NELL1: variants seen among roughly 807,000 people sequenced by gnomAD.
The protein encoded by NELL1 is protein kinase C-binding protein NELL1.
In NELL1, 76 loss-of-function variants were observed where a neutral mutation model predicts 107.4. The ratio of observed to expected loss-of-function variants is 0.71; its 90% CI spans 0.59 to 0.86. NELL1 has a LOEUF of 0.86. NELL1 is among the 40% of genes least tolerant of loss of function. The pLI is 0.00. For synonymous variants in NELL1, 353 were observed against 341.2 expected (o/e 1.03, Z -0.38); for missense variants, 1,024 against 1,005.5 (o/e 1.02, Z -0.25).
At chr11:20,726,363 T>A (rs1278255988) in intron 2 of NELL1, among the ~76,000 whole-genome samples, 1 of 152,160 alleles carries the variant, frequency 6.6e-6, no homozygotes, top group African/African-American at 2.4e-5. Flanking sequence ...ACTTGCTGGG[T>A]TTATGCAAAG....
At chr11:20,933,725 G>C (rs577396996) in intron 9 of NELL1, among the ~76,000 whole-genome samples, 1 of 152,300 alleles carries the variant, frequency 6.6e-6, no homozygotes, top group East Asian at 1.9e-4. Context: ...ATCTGACAGG[G>C]ATGTCAAGCT....
At chr11:20,785,860 G>T (rs1320544841) in intron 3 of NELL1, among the ~76,000 whole-genome samples, 1 of 151,350 alleles carries the variant, frequency 6.6e-6, no homozygotes, top group Non-Finnish European at 1.5e-5. Flanking sequence ...TTTTGAAACT[G>T]TATTTGCAGG....
At chr11:21,051,561 AAATAAT>A (rs201910454) in intron 12 of NELL1, among the ~76,000 whole-genome samples, 3 of 152,194 alleles carry the variant, frequency 2.0e-5, no homozygotes, top group Middle Eastern at 6.8e-3. Context: ...AAACTGAGAA[AAATAAT>A]AATAATAATA....
intron 12 of NELL1, among the ~76,000 whole-genome samples, chr11:21,111,327 G>A (rs188937311): frequency 6.6e-6 from 1 of 152,246 alleles, no homozygotes; most frequent in African/African-American, 2.4e-5. Flanking sequence ...ACTAAATGAT[G>A]CTTTCCATTT....
chr11:20,793,642 T>C lies in NELL1; in HGVS notation c.335+9812T>C, dbSNP rs563248888. 1.6e-3 allele frequency among the ~76,000 whole-genome samples: 242 copies of C among 152,296 alleles called. 1 individual carries two copies. Among genetic ancestry groups the C allele is most frequent in the Middle Eastern group, 0.01 (3 of 294 alleles). On this transcript the variant is annotated intron_variant, in intron 3 of 19. Transcript: ENST00000357134. ...GTTTCCTTGTGAATATTGCTTTGAA[T>C]ACAGCCCACTGATATTGCTATATAG... is the stretch of plus-strand genomic sequence containing the variant.
At chr11:20,840,974 G>A (rs1848611131) in intron 3 of NELL1, among the ~76,000 whole-genome samples, 1 of 152,166 alleles carries the variant, frequency 6.6e-6, no homozygotes, top group South Asian at 2.1e-4. Context: ...GCAATAACTT[G>A]TGCCCATTGT....
chr11:20,776,131 C>T (rs1206260247), intron 2 of NELL1, among the ~76,000 whole-genome samples: 1 of 152,116 alleles, frequency 6.6e-6, no homozygotes, highest in Non-Finnish European at 1.5e-5. Context: ...AACTTACAGT[C>T]CAGTGGGGAA....
At chr11:21,218,531 A>G (rs1357763453) in intron 13 of NELL1, among the ~76,000 whole-genome samples, 1 of 152,170 alleles carries the variant, frequency 6.6e-6, no homozygotes, top group African/African-American at 2.4e-5. Flanking sequence ...AAAAATATGC[A>G]ATAAGTTACC....
At chr11:20,674,090 A>G (rs1853987874) in intron 1 of NELL1, among the ~76,000 whole-genome samples, 1 of 152,220 alleles carries the variant, frequency 6.6e-6, no homozygotes. Context: ...TTTTCATAAT[A>G]AAAGCAATAC....
intron 12 of NELL1, among the ~76,000 whole-genome samples, chr11:21,068,012 AAC>A (rs1266051499): frequency 7.4e-6 from 1 of 134,398 alleles, no homozygotes; most frequent in Non-Finnish European, 1.6e-5. Flanking sequence ...CAGCCTGGGC[AAC>A]AGAGTGAGAT....
At chr11:20,975,966 AT>A (rs1454590811) in intron 12 of NELL1, among the ~76,000 whole-genome samples, 1 of 101,042 alleles carries the variant, frequency 9.9e-6, no homozygotes, top group African/African-American at 4.3e-5. Flanking sequence ...TTATATATAC[AT>A]TATATATATT....
chr11:20,716,052 A>T (rs943442885), intron 2 of NELL1, among the ~76,000 whole-genome samples: 1 of 152,258 alleles, frequency 6.6e-6, no homozygotes, highest in African/African-American at 2.4e-5. Context: ...CGATATGCAA[A>T]TATTTTACTT....
chr11:20,828,354 T>C (rs146428586), intron 3 of NELL1, among the ~76,000 whole-genome samples: 2 of 140,836 alleles, frequency 1.4e-5, no homozygotes, highest in East Asian at 3.9e-4. Flanking sequence ...TCTTGGAATA[T>C]CTATTAAAAT....
intron 15 of NELL1, among the ~76,000 whole-genome samples, chr11:21,466,034 G>A (rs1854021677): frequency 6.6e-6 from 1 of 152,062 alleles, no homozygotes; most frequent in Non-Finnish European, 1.5e-5. Context: ...TTAGAATCCT[G>A]AAACATAGCC....
At chr11:21,464,074 T>C (rs998815527) in intron 15 of NELL1, among the ~76,000 whole-genome samples, 4 of 152,040 alleles carry the variant, frequency 2.6e-5, no homozygotes, top group Admixed American at 2.6e-4. Flanking sequence ...GGGCTCCAAA[T>C]TCAAATGTTC....
chr11:21,263,675 T>C (rs1848579302), intron 14 of NELL1, among the ~76,000 whole-genome samples: 1 of 151,904 alleles, frequency 6.6e-6, no homozygotes, highest in Non-Finnish European at 1.5e-5. Context: ...GAGACTTTCA[T>C]CCTATATTTA....
intron 12 of NELL1, among the ~76,000 whole-genome samples, chr11:21,097,530 G>T (rs886444814): frequency 6.6e-6 from 1 of 150,760 alleles, no homozygotes; most frequent in Admixed American, 6.6e-5. Flanking sequence ...TAAATGTACT[G>T]GGGGAGGGGG....
chr11:21,079,848 T>G (rs1393525124), intron 12 of NELL1, among the ~76,000 whole-genome samples: 2 of 152,100 alleles, frequency 1.3e-5, no homozygotes, highest in Non-Finnish European at 2.9e-5. Context: ...AAAGGGGCAG[T>G]TGTCAGTTGC....
chr11:21,495,483 G>A (rs2133923105), intron 15 of NELL1, among the ~76,000 whole-genome samples: 1 of 152,190 alleles, frequency 6.6e-6, no homozygotes, highest in Non-Finnish European at 1.5e-5. Context: ...ACCAGTATTT[G>A]TTTGAATATA....
Sources: allele counts gnomAD v4.1 joint callset (sites outside exome capture counted in the v4.1 genomes callset), GRCh38; gene constraint gnomAD v4.1.1; transcripts MANE v1.5; gene names NCBI Gene and HGNC (gene_info 2026-07-23, HGNC 2026-07-21).